Variants in DLC1 observed in about 807,000 individuals in gnomAD.
DLC1 encodes DLC1 Rho GTPase activating protein.
Under a neutral mutation model 140.3 loss-of-function variants are expected in DLC1, and 54 were observed. That is an observed-to-expected ratio of 0.38 (90% confidence interval 0.31 to 0.48). DLC1 has a LOEUF of 0.48. Among genes scored for constraint, DLC1 ranks in the 20% least tolerant of loss-of-function variants. DLC1 has a pLI of 0.96. For synonymous variants in DLC1, 986 were observed against 728.1 expected (o/e 1.35, Z -5.70); for missense variants, 2,536 against 1,907.0 (o/e 1.33, Z -6.14).
At chr8:13,425,424 A>C (rs1215759350) in intron 2 of DLC1, among the ~76,000 whole-genome samples, 1 of 152,198 alleles carries the variant, frequency 6.6e-6, no homozygotes, top group Non-Finnish European at 1.5e-5. Context: ...AACTTGGAAA[A>C]CAAACAGCAG....
At chr8:13,219,470 T>G (rs890940395) in intron 5 of DLC1, among the ~76,000 whole-genome samples, 1 of 148,212 alleles carries the variant, frequency 6.7e-6, no homozygotes, top group African/African-American at 2.5e-5. Context: ...ATAGAATTGC[T>G]GGGTCATATG....
intron 4 of DLC1, among the ~76,000 whole-genome samples, chr8:13,328,422 C>T (rs538245584): frequency 7.9e-4 from 120 of 152,164 alleles, no homozygotes; most frequent in African/African-American, 2.8e-3. Flanking sequence ...ACGTCACAGT[C>T]GAAGAAGCCT....
intron 1 of DLC1, among the ~76,000 whole-genome samples, chr8:13,590,034 T>C (rs1347819778): frequency 6.7e-6 from 1 of 148,632 alleles, no homozygotes; most frequent in Non-Finnish European, 1.5e-5. Context: ...ATGGAAAACT[T>C]ACTAAAGTTT....
chr8:13,524,806 T>G (rs929794008), intron 1 of DLC1, among the ~76,000 whole-genome samples: 2 of 152,188 alleles, frequency 1.3e-5, no homozygotes, highest in African/African-American at 4.8e-5. Flanking sequence ...CTTTTGGCAT[T>G]TCTCTTATGT....
At chr8:13,287,194 T>C (rs1831562230) in intron 5 of DLC1, among the ~76,000 whole-genome samples, 1 of 152,212 alleles carries the variant, frequency 6.6e-6, no homozygotes, top group Non-Finnish European at 1.5e-5. Flanking sequence ...TCTTACTGGC[T>C]TGGGCTTTCT....
At chr8:13,317,433 T>C (rs1420660830) in intron 4 of DLC1, among the ~76,000 whole-genome samples, 1 of 152,208 alleles carries the variant, frequency 6.6e-6, no homozygotes, top group Non-Finnish European at 1.5e-5. Flanking sequence ...TTAGATGAGA[T>C]TGCTTTGCTA....
chr8:13,534,904 C>T (rs915189665), intron 1 of DLC1, among the ~76,000 whole-genome samples: 3 of 152,138 alleles, frequency 2.0e-5, no homozygotes, highest in Non-Finnish European at 4.4e-5. Context: ...CACATCTGCC[C>T]TTTGCAACAC....
intron 3 of DLC1, among the ~76,000 whole-genome samples, chr8:13,397,520 A>G (rs1031060251): frequency 1.3e-5 from 2 of 152,104 alleles, no homozygotes; most frequent in Admixed American, 6.6e-5. Context: ...ATGATGGCGC[A>G]ATAACCAATA....
chr8:13,173,592 G>T (rs980039378), intron 5 of DLC1, among the ~76,000 whole-genome samples: 123 of 152,170 alleles, frequency 8.1e-4, no homozygotes, highest in African/African-American at 2.8e-3. Context: ...GAATGGCCTC[G>T]ATCTCCTGAC....
At chr8:13,601,582 G>A (rs1461005600) in intron 1 of DLC1, among the ~76,000 whole-genome samples, 7 of 151,426 alleles carry the variant, frequency 4.6e-5, no homozygotes, top group African/African-American at 1.5e-4. Flanking sequence ...ATATGAAGCT[G>A]GGATATGAGA....
intron 1 of DLC1, among the ~76,000 whole-genome samples, chr8:13,537,648 C>CTTTTT (rs3066420): frequency 3.1e-4 from 28 of 90,354 alleles, no homozygotes; most frequent in African/African-American, 9.6e-4. Context: ...ACAGCTAACT[C>CTTTTT]TTTTTTTTTT....
At chr8:13,466,603 C>A (rs7827038) in intron 2 of DLC1, among the ~76,000 whole-genome samples, 123,253 of 151,960 alleles carry the variant, frequency 0.81, 51,447 homozygotes, top group Middle Eastern at 0.94. Flanking sequence ...ATGGAGGCAC[C>A]TTGTAAACAT....
rs182544227 is a variant in DLC1 at position 13,106,451 on chromosome 8, G to A, written c.1503-3598C>T. 2.4e-3 allele frequency among the ~76,000 whole-genome samples: 372 copies of A among 152,220 alleles called. 2 individuals are homozygous for A. The highest frequency in any genetic ancestry group is 4.5e-3 in the Non-Finnish European group (309 of 67,988). On this transcript the variant is annotated intron_variant, in intron 7 of 17. Coordinates refer to ENST00000276297, the MANE Select transcript of DLC1 (RefSeq NM_182643.3). ...GAGCCTGGACCTCCTGGGCTCACAG[G>A]ATCCTCCCGCCTCAGCCTCCCAAGT...
intron 5 of DLC1, among the ~76,000 whole-genome samples, chr8:13,197,495 C>T (rs926102404): frequency 2.6e-5 from 4 of 151,732 alleles, no homozygotes; most frequent in East Asian, 3.9e-4. Flanking sequence ...ACTACAGGCC[C>T]GCCAACAAGC....
chr8:13,143,206 A>T (rs956142653), intron 5 of DLC1, among the ~76,000 whole-genome samples: 1 of 152,200 alleles, frequency 6.6e-6, no homozygotes, highest in Non-Finnish European at 1.5e-5. Flanking sequence ...CAAACAAAAA[A>T]CAAAAGCACT....
At chr8:13,474,727 T>C (rs925302433) in intron 2 of DLC1, among the ~76,000 whole-genome samples, 2 of 152,186 alleles carry the variant, frequency 1.3e-5, no homozygotes, top group African/African-American at 4.8e-5. Flanking sequence ...GAAGATCGCT[T>C]TGGAGTTTTA....
chr8:13,103,048 C>A (rs932888587), intron 7 of DLC1, among the ~76,000 whole-genome samples, 195 bp from the exon 8 acceptor site: 2 of 152,122 alleles, frequency 1.3e-5, no homozygotes, highest in African/African-American at 4.8e-5. Flanking sequence ...TGGTGGCTCA[C>A]GCCTGTAATC....
chr8:13,450,212 TG>T lies in DLC1; in HGVS notation c.1024-48594del, dbSNP rs202236704. Among the ~76,000 whole-genome samples the T allele has an allele frequency of 1.1e-4, 16 of 151,906 alleles. No individual in the cohort carries two copies. In the South Asian group the frequency reaches 3.3e-3, roughly 32 times the overall value. ...GGCCTGGGTGGTAATCACAGCACTTTGGGGGGCTGAGGCAGGTGGATCACCT... is the reference window on the plus strand; with the variant it reads ...GGCCTGGGTGGTAATCACAGCACTTTGGGGGCTGAGGCAGGTGGATCACCT... On this transcript the variant is annotated intron_variant, in intron 2 of 17. Transcript: ENST00000276297.
At chr8:13,362,635 A>T (rs1835284503) in intron 4 of DLC1, among the ~76,000 whole-genome samples, 1 of 152,026 alleles carries the variant, frequency 6.6e-6, no homozygotes, top group East Asian at 1.9e-4. Context: ...TCTTGTTACT[A>T]AAACAAAACT....
Sources: allele counts gnomAD v4.1 joint callset (sites outside exome capture counted in the v4.1 genomes callset), GRCh38; gene constraint gnomAD v4.1.1; transcripts MANE v1.5; gene names NCBI Gene and HGNC (gene_info 2026-07-23, HGNC 2026-07-21).